Variants in AP3D1 observed in about 807,000 individuals in gnomAD.
The protein encoded by AP3D1 is adaptor related protein complex 3 subunit delta 1.
In AP3D1, 51 loss-of-function variants were observed where a neutral mutation model predicts 147.6. The ratio of observed to expected loss-of-function variants is 0.35; its 90% confidence interval spans 0.28 to 0.44. The LOEUF (loss-of-function observed/expected upper bound fraction) is 0.44. Ranked by LOEUF, AP3D1 falls within the 20% of genes least tolerant of loss-of-function variation. The probability of loss-of-function intolerance (pLI) is 1.00; values close to 1 mark genes in which losing one functional copy is unlikely to be tolerated. For missense variants in AP3D1, 1,421 were observed against 1,624.2 expected (o/e 0.87, Z 2.15); for synonymous variants, 760 against 663.0 (o/e 1.15, Z -2.25).
intron 31 of AP3D1, among the ~76,000 whole-genome samples, chr19:2,107,081 GTGAAACCCTGT>G (rs2018130909): frequency 6.6e-6 from 1 of 151,938 alleles, no homozygotes. Flanking sequence ...GGCTAACATG[GTGAAACCCTGT>G]CTCTACTAAA....
intron 29 of AP3D1, 136 bp downstream of exon 29, chr19:2,109,737 C>A: frequency 1.2e-6 from 1 of 818,624 alleles, no homozygotes; most frequent in East Asian, 2.6e-5. Context: ...TGACCTGCAC[C>A]AGTCACGAGC....
intron 14 of AP3D1, among the ~76,000 whole-genome samples, chr19:2,119,960 G>A (rs1599459041): frequency 1.3e-5 from 2 of 152,072 alleles, no homozygotes; most frequent in Non-Finnish European, 2.9e-5. Flanking sequence ...CGGGGCGAGG[G>A]GAAAAAAAGA....
In AP3D1 at chr19:2,140,315, G is replaced by A. The variant is rs138450394; in HGVS notation, c.97-1601C>T. On this transcript the variant is annotated intron_variant, in intron 1 of 31. Coordinates refer to ENST00000643116, the MANE Select transcript of AP3D1 (RefSeq NM_001261826.3). Reference sequence around the variant, plus strand: ...ACCGCCCCAGCAATTCCACTTCTGGGCGTGCACCCGAGGGGATGGAAAACA... The same window carrying A: ...ACCGCCCCAGCAATTCCACTTCTGGACGTGCACCCGAGGGGATGGAAAACA... Among the ~76,000 whole-genome samples the A allele has an allele frequency of 3.9e-5, 6 of 152,210 alleles. No individual in the cohort carries two copies. In the East Asian group the frequency reaches 9.6e-4, roughly 24 times the overall value.
chr19:2,102,135 C>A lies in AP3D1; in HGVS notation c.*38G>T. ...ACGTCAGGGCTGCGGTCCCTGGGTACGTGCTCCGCGGGGTGGTGCGGGGCT... is the reference window on the plus strand; with the variant it reads ...ACGTCAGGGCTGCGGTCCCTGGGTAAGTGCTCCGCGGGGTGGTGCGGGGCT... On this transcript the variant is annotated 3_prime_UTR_variant, in exon 32 of 32. Transcript: ENST00000643116. 2 of 1,542,654 alleles carry A rather than the reference C, an allele frequency of 1.3e-6. No homozygotes were observed. The highest frequency in any genetic ancestry group is 1.8e-6 in the Non-Finnish European group (2 of 1,117,822).
chr19:2,138,188 C>T (rs1463799168), intron 2 of AP3D1, among the ~76,000 whole-genome samples: 2 of 152,186 alleles, frequency 1.3e-5, no homozygotes, highest in African/African-American at 2.4e-5. Flanking sequence ...CACGGGGAAA[C>T]GGGCCAGAGG....
chr19:2,139,430 C>T (rs1228672355), intron 1 of AP3D1, among the ~76,000 whole-genome samples: 1 of 152,184 alleles, frequency 6.6e-6, no homozygotes, highest in Admixed American at 6.5e-5. Flanking sequence ...GGCCTGCTCA[C>T]TAACTGCGCG....
chr19:2,122,332 T>A (rs1441808507), intron 11 of AP3D1, among the ~76,000 whole-genome samples: 1 of 152,216 alleles, frequency 6.6e-6, no homozygotes, highest in Non-Finnish European at 1.5e-5. Context: ...GAGGCACAGA[T>A]GCCACAACCT....
intron 1 of AP3D1, among the ~76,000 whole-genome samples, chr19:2,140,678 C>G (rs1332711452): frequency 6.6e-6 from 1 of 151,990 alleles, no homozygotes; most frequent in Non-Finnish European, 1.5e-5. Context: ...TGGGTCACAA[C>G]CCTGGGACTC....
chr19:2,117,524 C>T (rs1057497206), intron 15 of AP3D1, among the ~76,000 whole-genome samples, 157 bp from the exon 16 acceptor site: 6 of 152,116 alleles, frequency 3.9e-5, no homozygotes, highest in Admixed American at 3.9e-4. Context: ...CCGTCTCTGT[C>T]GTCATCATCC....
At chr19:2,120,563 C>A (rs1236560585) in intron 14 of AP3D1, among the ~76,000 whole-genome samples, 2 of 152,200 alleles carry the variant, frequency 1.3e-5, no homozygotes, top group African/African-American at 2.4e-5. Flanking sequence ...CCGTCTGCAG[C>A]CCACCCCATG....
intron 9 of AP3D1, among the ~76,000 whole-genome samples, chr19:2,125,987 A>G (rs1297148504): frequency 1.3e-5 from 2 of 152,128 alleles, no homozygotes; most frequent in African/African-American, 4.8e-5. Context: ...TCTCTACCAA[A>G]AATTCAAAAA....
intron 4 of AP3D1, among the ~76,000 whole-genome samples, chr19:2,133,929 G>A (rs951773912): frequency 4.8e-4 from 73 of 151,878 alleles, no homozygotes; most frequent in Non-Finnish European, 9.0e-4. Context: ...CCAACATGGT[G>A]AAACCCTGTC....
At chr19:2,113,145 TC>T in intron 23 of AP3D1, 178 bp from the exon 24 acceptor site, 1 of 624,706 alleles carries the variant, frequency 1.6e-6, no homozygotes, top group Non-Finnish European at 2.8e-6. Flanking sequence ...GTCCTCCCCT[TC>T]CCCTGGCCCC....
At position 2,108,753 on chromosome 19, in the gene AP3D1, C is replaced by T. The variant is rs137960645; in HGVS notation, c.3486G>A (p.Val1162=). Residue 1162 remains valine, a synonymous_variant, in exon 31 of 32, where the codon GTG becomes GTA. Transcript: ENST00000643116. The stretch of plus-strand genomic sequence containing the variant: ...GGCTGTACATGGAGGCGCAGGAGTC[C>T]ACTCGCTCCACAACTGCAACAGAGC... The part of the protein sequence containing the change: ...FHHHFSVVER[V]DSCASMYSRS... 5.5e-5 allele frequency: 87 copies of T among 1,571,432 alleles called. No homozygotes were observed. The highest frequency in any genetic ancestry group is 3.9e-4 in the African/African-American group (29 of 73,812).
chr19:2,112,499 A>C, intron 24 of AP3D1: 1 of 212,868 alleles, frequency 4.7e-6, no homozygotes, highest in Admixed American at 5.4e-5. Flanking sequence ...CGTGGGTGCC[A>C]GGGCAGGGAA....
intron 25 of AP3D1, 168 bp from the exon 26 acceptor site, chr19:2,111,500 C>A (rs891622635): frequency 1.7e-6 from 2 of 1,202,942 alleles, no homozygotes; most frequent in African/African-American, 1.5e-5. Flanking sequence ...ACCACACAGC[C>A]CACCACGGGG....
chr19:2,163,718 G>A (rs1025824079), intron 1 of AP3D1, among the ~76,000 whole-genome samples: 9 of 151,958 alleles, frequency 5.9e-5, no homozygotes, highest in Non-Finnish European at 1.3e-4. Context: ...GCTTCGGGCC[G>A]GCGAGTGGGG....
At chr19:2,129,939 G>C (rs558541366) in intron 6 of AP3D1, among the ~76,000 whole-genome samples, 1 of 152,128 alleles carries the variant, frequency 6.6e-6, no homozygotes, top group Admixed American at 6.5e-5. Flanking sequence ...GGGGTCCACC[G>C]ACCCACGCCT....
intron 1 of AP3D1, among the ~76,000 whole-genome samples, chr19:2,159,791 C>G (rs2144605226): frequency 6.6e-6 from 1 of 152,064 alleles, no homozygotes; most frequent in East Asian, 1.9e-4. Context: ...AGCTCCACCT[C>G]CCAGGTTCAT....
Sources: allele counts gnomAD v4.1 joint callset (sites outside exome capture counted in the v4.1 genomes callset), GRCh38; gene constraint gnomAD v4.1.1; transcripts MANE v1.5; gene names NCBI Gene and HGNC (gene_info 2026-07-23, HGNC 2026-07-21).